Variants in KCNK13 observed in about 807,000 individuals in gnomAD.
The protein encoded by KCNK13 is potassium channel subfamily K member 13.
Under a neutral mutation model 23.4 loss-of-function variants are expected in KCNK13, and 12 were observed. The ratio of observed to expected loss-of-function variants is 0.51; its 90% confidence interval spans 0.33 to 0.83. The LOEUF is 0.83. Among genes scored for constraint, KCNK13 ranks in the 40% least tolerant of loss-of-function variants. The pLI, the probability that KCNK13 is intolerant of heterozygous loss-of-function variation, is 0.02. For synonymous variants in KCNK13, 231 were observed against 229.5 expected, an observed-to-expected ratio of 1.01 and a Z score of -0.06; for missense variants, 463 against 556.3, an observed-to-expected ratio of 0.83 and a Z score of 1.69.
At chr14:90,133,611 A>C (rs1003298122) in intron 1 of KCNK13, among the ~76,000 whole-genome samples, 12 of 152,198 alleles carry the variant, frequency 7.9e-5, no homozygotes, top group Admixed American at 2.0e-4. Flanking sequence ...AAAAAAAAAA[A>C]AAAACAGTTA....
chr14:90,132,231 TCAAATCCATA>T (rs1366723029), intron 1 of KCNK13, among the ~76,000 whole-genome samples: 30 of 151,392 alleles, frequency 2.0e-4, no homozygotes, highest in Admixed American at 2.6e-4. Flanking sequence ...ACAAGAGGAG[TCAAATCCATA>T]GAGACAGAAA....
chr14:90,170,677 T>C (rs1890355116), intron 1 of KCNK13, among the ~76,000 whole-genome samples: 1 of 152,058 alleles, frequency 6.6e-6, no homozygotes, highest in African/African-American at 2.4e-5. Context: ...AGGGAAAAAA[T>C]AGACATTCAT....
At chr14:90,122,121 G>A (rs1889746199) in intron 1 of KCNK13, among the ~76,000 whole-genome samples, 1 of 151,870 alleles carries the variant, frequency 6.6e-6, no homozygotes, top group Admixed American at 6.6e-5. Context: ...TCTATGATGG[G>A]CATGTACTAT....
chr14:90,071,562 T>C (rs1025776674), intron 1 of KCNK13, among the ~76,000 whole-genome samples: 1 of 152,180 alleles, frequency 6.6e-6, no homozygotes, highest in Non-Finnish European at 1.5e-5. Flanking sequence ...TAGCTTTCTC[T>C]CAGCATATTT....
chr14:90,181,249 A>T (rs1259626652), intron 1 of KCNK13, among the ~76,000 whole-genome samples: 1 of 152,176 alleles, frequency 6.6e-6, no homozygotes, highest in Non-Finnish European at 1.5e-5. Context: ...CTTAGTCCAC[A>T]TGGGCTGCTA....
intron 1 of KCNK13, among the ~76,000 whole-genome samples, chr14:90,135,547 G>A (rs977615806): frequency 2.6e-5 from 4 of 152,106 alleles, no homozygotes; most frequent in Non-Finnish European, 5.9e-5. Context: ...TGCCTTCCTC[G>A]CCATATGGCA....
intron 1 of KCNK13, among the ~76,000 whole-genome samples, chr14:90,132,214 C>A (rs1473033755): frequency 6.6e-6 from 1 of 152,024 alleles, no homozygotes; most frequent in Non-Finnish European, 1.5e-5. Context: ...TCCATTGATA[C>A]GATGTAACAA....
chr14:90,136,613 G>C (rs559850962), intron 1 of KCNK13, among the ~76,000 whole-genome samples: 1 of 152,260 alleles, frequency 6.6e-6, no homozygotes, highest in East Asian at 1.9e-4. Context: ...ACAGCACACA[G>C]CATTGTGTAG....
chr14:90,153,094 C>A (rs1478217500), intron 1 of KCNK13, among the ~76,000 whole-genome samples: 1 of 152,166 alleles, frequency 6.6e-6, no homozygotes, highest in Non-Finnish European at 1.5e-5. Context: ...GCAACCCTAC[C>A]TAGACCACAT....
chr14:90,148,769 T>C (rs1465601780), intron 1 of KCNK13, among the ~76,000 whole-genome samples: 3 of 152,232 alleles, frequency 2.0e-5, no homozygotes, highest in Admixed American at 6.5e-5. Flanking sequence ...TAGGAAAGAA[T>C]GTAATAAATC....
chr14:90,135,868 G>T (rs1245679758), intron 1 of KCNK13, among the ~76,000 whole-genome samples: 2 of 152,168 alleles, frequency 1.3e-5, no homozygotes, highest in Non-Finnish European at 2.9e-5. Flanking sequence ...CATGGTGACA[G>T]CCAGGATGTT....
intron 1 of KCNK13, among the ~76,000 whole-genome samples, chr14:90,063,502 A>G (rs1361226207): frequency 3.9e-5 from 6 of 152,138 alleles, no homozygotes; most frequent in Non-Finnish European, 8.8e-5. Context: ...GTAGAAATAA[A>G]TTCTGAGGGG....
At chr14:90,102,712 C>G (rs933235251) in intron 1 of KCNK13, among the ~76,000 whole-genome samples, 3 of 152,176 alleles carry the variant, frequency 2.0e-5, no homozygotes, top group African/African-American at 7.2e-5. Context: ...CTTTCTGTCT[C>G]CCTGTGGGTT....
intron 1 of KCNK13, among the ~76,000 whole-genome samples, chr14:90,161,596 C>T (rs1352039905): frequency 6.6e-6 from 1 of 152,142 alleles, no homozygotes; most frequent in South Asian, 2.1e-4. Flanking sequence ...GAAGTAATTA[C>T]AACATTCTAC....
intron 1 of KCNK13, among the ~76,000 whole-genome samples, chr14:90,078,050 T>C (rs1889160790): frequency 1.3e-5 from 2 of 152,232 alleles, no homozygotes; most frequent in Non-Finnish European, 2.9e-5. Flanking sequence ...CGCTATACTA[T>C]TTCTCAACCT....
chr14:90,135,989 C>CA (rs1208602555), intron 1 of KCNK13, among the ~76,000 whole-genome samples: 1 of 152,028 alleles, frequency 6.6e-6, no homozygotes, highest in Non-Finnish European at 1.5e-5. Flanking sequence ...AGGGCACACC[C>CA]AGCATCACAA....
intron 1 of KCNK13, among the ~76,000 whole-genome samples, chr14:90,143,146 A>ACTTTCTTTCTTTCTTTCTTTCTTTCTTT (rs577709163): frequency 4.5e-4 from 52 of 115,784 alleles, no homozygotes; most frequent in Middle Eastern, 4.6e-3. Context: ...AAGAGCAGAA[A>ACTTTCTTTCTTTCTTTCTTTCTTTCTTT]CTTTCTTTCT....
chr14:90,107,707 GCCTGGGA>G, intron 1 of KCNK13: 1 of 767,930 alleles, frequency 1.3e-6, no homozygotes. Flanking sequence ...ACAAAATCCA[GCCTGGGA>G]AGGTGGTTGT....
chr14:90,184,682 C>T lies in KCNK13; in HGVS notation c.906C>T (p.Cys302=). The change falls in exon 2 of 2, where the codon TGC becomes TGT. Residue 302 remains cysteine, a synonymous_variant. Coordinates refer to ENST00000282146, the MANE Select transcript of KCNK13 (RefSeq NM_022054.4). The surrounding 1 kb of genome is among the most constrained non-coding windows in gnomAD (Gnocchi z 5.6). ...TGGACAGCGGGTGCTGCCCGCAATG[C>T]CAGAGAGGACTCTTGCGATCACGCA... ...RKMDSGCCPQ[C]QRGLLRSRRN... is the part of the protein sequence containing the mutation. 1 of 1,614,254 alleles carries T rather than the reference C, an allele frequency of 6.2e-7. No individual in the cohort carries two copies. Among genetic ancestry groups the T allele is most frequent in the Non-Finnish European group, 8.5e-7 (1 of 1,180,054 alleles).
Sources: gnomAD v4.1 joint callset for allele counts (sites outside exome capture counted in the v4.1 genomes callset) on GRCh38, gnomAD v4.1.1 for gene constraint, Gnocchi (gnomAD v3.1) non-coding constraint, MANE v1.5 for transcripts, NCBI Gene and HGNC (gene_info 2026-07-23, HGNC 2026-07-21) for gene names.